The following CNTNAP2 variants were observed in gnomAD, a reference collection of about 807,000 sequenced individuals.
CNTNAP2 encodes contactin-associated protein-like 2.
In CNTNAP2, 98 loss-of-function variants were observed where a neutral mutation model predicts 155.2. That is an observed-to-expected ratio of 0.63 (90% CI 0.54 to 0.75). The LOEUF is 0.75. Ranked by LOEUF, CNTNAP2 falls within the 30% of genes least tolerant of loss-of-function variation. The probability of loss-of-function intolerance (pLI) is 0.00; values close to 1 mark genes in which losing one functional copy is unlikely to be tolerated. For missense variants in CNTNAP2, 1,727 were observed against 1,688.1 expected (o/e 1.02, Z -0.40); for synonymous variants, 651 against 631.2 (o/e 1.03, Z -0.47).
At chr7:148,165,077 A>T (rs558205073) in intron 17 of CNTNAP2, among the ~76,000 whole-genome samples, 13 of 152,254 alleles carry the variant, frequency 8.5e-5, no homozygotes, top group African/African-American at 3.1e-4. Flanking sequence ...GGGCTGCCCT[A>T]ACAGAATACC....
At chr7:147,520,136 T>C (rs1384888247) in intron 11 of CNTNAP2, among the ~76,000 whole-genome samples, 1 of 152,182 alleles carries the variant, frequency 6.6e-6, no homozygotes, top group Non-Finnish European at 1.5e-5. Context: ...ATTAGAAGTA[T>C]GAGAAGCCAG....
chr7:147,132,573 G>A (rs1263884293), intron 8 of CNTNAP2, 64 bp downstream of exon 8: 2 of 1,604,868 alleles, frequency 1.2e-6, no homozygotes, highest in Admixed American at 1.7e-5. Context: ...TTAATGTTGT[G>A]CTTTGTTTGG....
intron 9 of CNTNAP2, among the ~76,000 whole-genome samples, chr7:147,329,078 G>T (rs1795510030): frequency 6.6e-6 from 1 of 151,958 alleles, no homozygotes; most frequent in Non-Finnish European, 1.5e-5. Flanking sequence ...AGACAGAAAT[G>T]GGATGAGAAA....
chr7:146,538,027 A>C (rs1467801276), intron 1 of CNTNAP2, among the ~76,000 whole-genome samples: 1 of 152,136 alleles, frequency 6.6e-6, no homozygotes, highest in African/African-American at 2.4e-5. Flanking sequence ...TATTGAAAAT[A>C]GATGGTGAGT....
chr7:148,287,795 CTT>C (rs71188961), intron 21 of CNTNAP2, among the ~76,000 whole-genome samples: 20 of 73,468 alleles, frequency 2.7e-4, no homozygotes, highest in South Asian at 1.2e-3. Context: ...TTCTTTTTTT[CTT>C]TTTTTTTTTT....
At chr7:146,371,406 T>C (rs1795234012) in intron 1 of CNTNAP2, among the ~76,000 whole-genome samples, 2 of 143,834 alleles carry the variant, frequency 1.4e-5, no homozygotes, top group Admixed American at 1.5e-4. Flanking sequence ...TCTCGCTCTG[T>C]TGCCCAGGCT....
intron 21 of CNTNAP2, among the ~76,000 whole-genome samples, chr7:148,346,193 G>T (rs949213142): frequency 6.6e-6 from 1 of 152,068 alleles, no homozygotes; most frequent in Non-Finnish European, 1.5e-5. Flanking sequence ...TCAGGCAAGC[G>T]CATCTTACTT....
intron 9 of CNTNAP2, among the ~76,000 whole-genome samples, chr7:147,375,813 A>G (rs1193518001): frequency 1.3e-5 from 2 of 151,992 alleles, no homozygotes; most frequent in Non-Finnish European, 2.9e-5. Context: ...CAGCCTTTAT[A>G]CTTTTTAAAA....
At chr7:147,609,461 G>A (rs1387439586) in intron 12 of CNTNAP2, among the ~76,000 whole-genome samples, 2 of 152,210 alleles carry the variant, frequency 1.3e-5, no homozygotes, top group African/African-American at 4.8e-5. Context: ...AACCTGGGAG[G>A]CGGAACTTGC....
At chr7:147,698,782 G>A (rs1255233105) in intron 13 of CNTNAP2, among the ~76,000 whole-genome samples, 1 of 152,096 alleles carries the variant, frequency 6.6e-6, no homozygotes, top group Non-Finnish European at 1.5e-5. Context: ...CAGGCTGGTC[G>A]TGAGCTCCTG....
At position 148,413,399 on chromosome 7, in the gene CNTNAP2, A is replaced by AAATAAAT. The variant is rs1554432351; in HGVS notation, c.3797-2016_3797-2015insTAAATAA. 2.7e-4 allele frequency among the ~76,000 whole-genome samples: 13 copies of AAATAAAT among 48,578 alleles called. 1 individual carries two copies. The highest frequency in any genetic ancestry group is 1.7e-3 in the African/African-American group (13 of 7,552). The allele number at this position is 48,578 out of a possible 152,430, so 31.9% of individuals were successfully genotyped here. A position where few individuals can be genotyped will look rare whatever the true frequency, so the allele number is the denominator to read the frequency against. On this transcript the variant is annotated intron_variant, in intron 23 of 23. Coordinates refer to ENST00000361727, the MANE Select transcript of CNTNAP2 (RefSeq NM_014141.6). ...AAGAGTGAAACTCCGTCTCAAAAAAAAAATATATATATATATATATATATA... is the reference window on the plus strand; with the variant it reads ...AAGAGTGAAACTCCGTCTCAAAAAAAAATAAATAAATATATATATATATATATATATA...
chr7:148,034,658 A>G (rs1200669258), intron 15 of CNTNAP2, among the ~76,000 whole-genome samples: 1 of 152,212 alleles, frequency 6.6e-6, no homozygotes. Context: ...CAGTGTTGCT[A>G]TAGTAAATAC....
intron 13 of CNTNAP2, among the ~76,000 whole-genome samples, chr7:147,687,658 T>C (rs138302441): frequency 0.016 from 2,498 of 152,184 alleles, 222 homozygotes; most frequent in Admixed American, 0.15. Context: ...AACCATTGTA[T>C]AGAGATTCTC....
intron 8 of CNTNAP2, among the ~76,000 whole-genome samples, chr7:147,264,743 A>C (rs73742511): frequency 0.13 from 19,874 of 151,724 alleles, 1,383 homozygotes; most frequent in Non-Finnish European, 0.15. Context: ...GCAATGGAGG[A>C]TGCAGCAAGA....
chr7:146,429,986 G>A (rs1563080826), intron 1 of CNTNAP2, among the ~76,000 whole-genome samples: 1 of 152,038 alleles, frequency 6.6e-6, no homozygotes. Flanking sequence ...TAATCACATA[G>A]TTTTTATATT....
intron 3 of CNTNAP2, among the ~76,000 whole-genome samples, chr7:146,974,590 A>C (rs955136455): frequency 7.2e-5 from 11 of 152,218 alleles, no homozygotes; most frequent in South Asian, 2.1e-4. Flanking sequence ...AGGCAAAGTT[A>C]TCTCTCCAAA....
intron 1 of CNTNAP2, among the ~76,000 whole-genome samples, chr7:146,135,126 A>T (rs1054660368): frequency 6.6e-6 from 1 of 152,166 alleles, no homozygotes; most frequent in South Asian, 2.1e-4. Context: ...CACATTGAGT[A>T]GCAATATTTT....
At chr7:148,363,868 G>A (rs1408150367) in intron 21 of CNTNAP2, among the ~76,000 whole-genome samples, 5 of 139,122 alleles carry the variant, frequency 3.6e-5, no homozygotes, top group South Asian at 2.2e-4. Flanking sequence ...CTGGAGTTCC[G>A]GGTGGGCGTG....
chr7:147,593,959 T>C (rs1800783177), intron 12 of CNTNAP2, among the ~76,000 whole-genome samples: 1 of 152,120 alleles, frequency 6.6e-6, no homozygotes, highest in Non-Finnish European at 1.5e-5. Context: ...GAAAACAGCT[T>C]CACGAAGTAG....
Sources: gnomAD v4.1 joint callset for allele counts (sites outside exome capture counted in the v4.1 genomes callset) on GRCh38, gnomAD v4.1.1 for gene constraint, MANE v1.5 for transcripts, NCBI Gene and HGNC (gene_info 2026-07-23, HGNC 2026-07-21) for gene names.